RAB15: variants seen among roughly 807,000 people sequenced by gnomAD.
RAB15 encodes the protein RAB15, member RAS oncogene family.
RAB15 carries 13 observed loss-of-function variants against 31.8 expected under a neutral mutation model. That is an observed-to-expected ratio of 0.41 (90% CI 0.27 to 0.65). The LOEUF (loss-of-function observed/expected upper bound fraction) is 0.65. Ranked by LOEUF, RAB15 falls within the 30% of genes least tolerant of loss-of-function variation. The pLI is 0.32. For missense variants in RAB15, 220 were observed against 277.3 expected, an observed-to-expected ratio of 0.79 and a Z score of 1.47; for synonymous variants, 100 against 105.6, an observed-to-expected ratio of 0.95 and a Z score of 0.33.
chr14:64,967,923 T>C (rs1225344175), intron 1 of RAB15, among the ~76,000 whole-genome samples: 2 of 152,140 alleles, frequency 1.3e-5, no homozygotes, highest in Non-Finnish European at 2.9e-5. Flanking sequence ...CTGCAGCCCC[T>C]GACTAGTCTC....
intron 1 of RAB15, among the ~76,000 whole-genome samples, chr14:64,961,530 A>T (rs1886857255): frequency 6.6e-6 from 1 of 152,124 alleles, no homozygotes; most frequent in Non-Finnish European, 1.5e-5. Flanking sequence ...CTCCAGGGCC[A>T]CCTCTGCAGC....
rs1038273080 is a variant in RAB15, at chr14:64,948,948, T to C, written c.415-215A>G. Among the ~76,000 whole-genome samples, 1 of 152,174 alleles carries C rather than the reference T, an allele frequency of 6.6e-6. No homozygotes were observed. The highest frequency in any genetic ancestry group is 1.5e-5 in the Non-Finnish European group (1 of 68,020). The stretch of plus-strand genomic sequence containing the variant: ...AAATATGCCTCTCCATTCTTCCAGC[T>C]GCCACCCCACGCCTCCCAACACACA... On this transcript the variant is annotated intron_variant, in intron 5 of 6. Coordinates refer to ENST00000533601, the MANE Select transcript of RAB15 (RefSeq NM_001308154.2). The surrounding 1 kb of genome is among the most constrained non-coding windows in gnomAD (Gnocchi z 7.0).
rs1461999104 is a variant in RAB15 at position 64,970,086 on chromosome 14, T to C, written c.124+1867A>G. ...CAAAGGGAAAAGTCCATGTCACCTATAGGACTTGGAATGGGACTAGGAGAG... is the reference window on the plus strand; with the variant it reads ...CAAAGGGAAAAGTCCATGTCACCTACAGGACTTGGAATGGGACTAGGAGAG... On this transcript the variant is annotated intron_variant, in intron 1 of 6. Coordinates refer to ENST00000533601, the MANE Select transcript of RAB15 (RefSeq NM_001308154.2). The surrounding 1 kb of genome is among the most constrained non-coding windows in gnomAD (Gnocchi z 4.1). Among the ~76,000 whole-genome samples, 1 of 152,170 alleles carries C rather than the reference T, an allele frequency of 6.6e-6. No individual in the cohort carries two copies. The highest frequency in any genetic ancestry group is 1.5e-5 in the Non-Finnish European group (1 of 68,026).
rs960807724 is a variant in RAB15 at position 64,971,801 on chromosome 14, T to C, written c.124+152A>G. 1.4e-6 allele frequency: 1 copy of C among 732,036 alleles called. No homozygotes were observed. The highest frequency in any genetic ancestry group is 2.2e-6 in the Non-Finnish European group (1 of 452,324). The allele number at this position is 732,036 out of a possible 1,614,324, so 45.3% of individuals were successfully genotyped here. A position where few individuals can be genotyped will look rare whatever the true frequency, so the allele number is the denominator to read the frequency against. On this transcript the variant is annotated intron_variant, in intron 1 of 6. Coordinates refer to ENST00000533601, the MANE Select transcript of RAB15 (RefSeq NM_001308154.2). This position sits in a 1 kb window ranked among gnomAD's most constrained non-coding sequence, Gnocchi z 4.1. ...GGACACCCTCACCTGCCAAAACCTA[T>C]GCTCACCCCGAGATTTATCCCGGAC...
At position 64,950,704 on chromosome 14, in the gene RAB15, C is replaced by T. The variant is rs1886200274; in HGVS notation, c.325-290G>A. 5.0e-6 allele frequency: 3 copies of T among 595,396 alleles called. No individual in the cohort carries two copies. Among genetic ancestry groups the T allele is most frequent in the East Asian group, 2.8e-5 (1 of 36,038 alleles). 36.9% of individuals were successfully genotyped at this position (595,396 alleles called of 1,614,324 possible). The stretch of plus-strand genomic sequence containing the variant: ...GGATGTAAGTCCAGCCCTCATTCTA[C>T]AGGAACTGGGGACCCAGAGGATTCA... On this transcript the variant is annotated intron_variant, in intron 4 of 6. Transcript: ENST00000533601. This position sits in a 1 kb window ranked among gnomAD's most constrained non-coding sequence, Gnocchi z 5.6.
chr14:64,972,047 C>A lies in RAB15; in HGVS notation c.30G>T (p.Arg10=), dbSNP rs767084309. MAKQYDVLF[R]LLLIGDSGVG... ...CCCCGGAGTCCCCGATCAGCAGCAG[C>A]CGGAACAGCACATCGTACTGCTTCG... Residue 10 remains arginine (R), a synonymous_variant, in exon 1 of 7, where the codon CGG becomes CGT. Transcript: ENST00000533601. This position sits in a 1 kb window ranked among gnomAD's most constrained non-coding sequence, Gnocchi z 6.3. 6.2e-7 allele frequency: 1 copy of A among 1,610,916 alleles called. No individual in the cohort carries two copies. Among genetic ancestry groups the A allele is most frequent in the Non-Finnish European group, 8.5e-7 (1 of 1,178,874 alleles).
rs1887466507 is a variant in RAB15 at position 64,972,170 on chromosome 14, T to C, written c.-94A>G. 1 of 1,089,850 alleles carries C rather than the reference T, an allele frequency of 9.2e-7. No individual in the cohort carries two copies. The highest frequency in any genetic ancestry group is 1.1e-6 in the Non-Finnish European group (1 of 881,044). The allele number at this position is 1,089,850 out of a possible 1,614,324, so 67.5% of individuals were successfully genotyped here. A position where few individuals can be genotyped will look rare whatever the true frequency, so the allele number is the denominator to read the frequency against. ...GCGGCCCGCGCCCGCCCGGGGACGC[T>C]GCGGGCGGCGAGGAGGACGCCGGGC... On this transcript the variant is annotated 5_prime_UTR_variant, in exon 1 of 7. Coordinates refer to ENST00000533601, the MANE Select transcript of RAB15 (RefSeq NM_001308154.2). This position sits in a 1 kb window ranked among gnomAD's most constrained non-coding sequence, Gnocchi z 6.3.
At position 64,952,618 on chromosome 14, in the gene RAB15, A is replaced by G; in HGVS notation, c.125-47T>C. The G allele has an allele frequency of 7.1e-7, 1 of 1,409,362 alleles. No individual in the cohort carries two copies. The highest frequency in any genetic ancestry group is 1.2e-5 in the South Asian group (1 of 86,506). 87.3% of individuals were successfully genotyped at this position (1,409,362 alleles called of 1,614,324 possible). On this transcript the variant is annotated intron_variant, in intron 1 of 6. Coordinates refer to ENST00000533601, the MANE Select transcript of RAB15 (RefSeq NM_001308154.2). The surrounding 1 kb of genome is among the most constrained non-coding windows in gnomAD (Gnocchi z 4.2). The stretch of plus-strand genomic sequence containing the variant: ...GAAAGTTAGAAAGCGTACCCACGAG[A>G]AATGAACAGGAAAGGGCCAGGCAAT...
intron 1 of RAB15, among the ~76,000 whole-genome samples, chr14:64,963,204 C>T (rs938465619): frequency 1.3e-5 from 2 of 150,130 alleles, no homozygotes; most frequent in African/African-American, 4.9e-5. Context: ...CTGCAACCTC[C>T]ACCTCCTGTG....
At chr14:64,966,049 C>T (rs1016136150) in intron 1 of RAB15, among the ~76,000 whole-genome samples, 2 of 152,160 alleles carry the variant, frequency 1.3e-5, no homozygotes, top group African/African-American at 2.4e-5. Flanking sequence ...TCTCAGGTCA[C>T]CCCACTGCTT....
Position 64,954,320 on chromosome 14 carries a change from G to A in RAB15, c.125-1749C>T, listed in dbSNP as rs146719495. 1.1e-5 allele frequency: 11 copies of A among 985,378 alleles called. No individual in the cohort carries two copies. The highest frequency in any genetic ancestry group is 9.4e-5 in the South Asian group (2 of 21,294). 61.0% of individuals were successfully genotyped at this position (985,378 alleles called of 1,614,324 possible). A position where few individuals can be genotyped will look rare whatever the true frequency, so the allele number is the denominator to read the frequency against. ...TATGCTTATTTCTGCCTGGATCAACGGTTATCAGGCACCTGTTTCTCCCCA... is the reference window on the plus strand; with the variant it reads ...TATGCTTATTTCTGCCTGGATCAACAGTTATCAGGCACCTGTTTCTCCCCA... On this transcript the variant is annotated intron_variant, in intron 1 of 6. Transcript: ENST00000533601. The surrounding 1 kb of genome is among the most constrained non-coding windows in gnomAD (Gnocchi z 4.3).
chr14:64,946,386 A>G lies in RAB15; in HGVS notation c.*1968T>C, dbSNP rs1338377830. ...ACAGACTTGAGGGCTGGCATCACCT[A>G]CTTCCCTAGCCCCAGTGTGATGTGG... On this transcript the variant is annotated 3_prime_UTR_variant, in exon 7 of 7. Transcript: ENST00000533601. The G allele has an allele frequency of 6.6e-6, 1 of 152,160 alleles. No individual in the cohort carries two copies. The highest frequency in any genetic ancestry group is 6.5e-5 in the Admixed American group (1 of 15,276). The allele number at this position is 152,160 out of a possible 1,614,324, so 9.4% of individuals were successfully genotyped here.
rs1362823217 is a variant in RAB15 at position 64,962,051 on chromosome 14, C to T, written c.125-9480G>A. 2.0e-5 allele frequency among the ~76,000 whole-genome samples: 3 copies of T among 152,068 alleles called. No individual in the cohort carries two copies. The highest frequency in any genetic ancestry group is 7.2e-5 in the African/African-American group (3 of 41,394). Reference sequence around the variant, plus strand: ...CCAACATGGTGAAACCTTGTCTCTACTAAAAATACAAAAATTAGCTGGTCG... The same window carrying T: ...CCAACATGGTGAAACCTTGTCTCTATTAAAAATACAAAAATTAGCTGGTCG... On this transcript the variant is annotated intron_variant, in intron 1 of 6. Transcript: ENST00000533601. The surrounding 1 kb of genome is among the most constrained non-coding windows in gnomAD (Gnocchi z 4.2).
In RAB15 at chr14:64,952,628, G is replaced by C; in HGVS notation, c.125-57C>G. ...AAGCGTACCCACGAGAAATGAACAG[G>C]AAAGGGCCAGGCAATCACACTTGAA... On this transcript the variant is annotated intron_variant, in intron 1 of 6. Coordinates refer to ENST00000533601, the MANE Select transcript of RAB15 (RefSeq NM_001308154.2). This position sits in a 1 kb window ranked among gnomAD's most constrained non-coding sequence, Gnocchi z 4.2. 1 of 1,285,876 alleles carries C rather than the reference G, an allele frequency of 7.8e-7. No individual in the cohort carries two copies. Among genetic ancestry groups the C allele is most frequent in the South Asian group, 1.2e-5 (1 of 83,542 alleles). 79.7% of individuals were successfully genotyped at this position (1,285,876 alleles called of 1,614,324 possible). A position where few individuals can be genotyped will look rare whatever the true frequency, so the allele number is the denominator to read the frequency against.
chr14:64,947,953 G>GCCCATACAACCAGGCACAGGC lies in RAB15; in HGVS notation c.*400_*401insGCCTGTGCCTGGTTGTATGGG. On this transcript the variant is annotated 3_prime_UTR_variant, in exon 7 of 7. Transcript: ENST00000533601. The surrounding 1 kb of genome is among the most constrained non-coding windows in gnomAD (Gnocchi z 5.6). The stretch of plus-strand genomic sequence containing the variant: ...ATACGAAACGCACCGGAGGGGAGGG[G>GCCCATACAACCAGGCACAGGC]TCAGAGAAAGAGAAGTGGGGGAAGA... 5.7e-6 allele frequency: 1 copy of GCCCATACAACCAGGCACAGGC among 175,278 alleles called. No individual in the cohort carries two copies. Among genetic ancestry groups the GCCCATACAACCAGGCACAGGC allele is most frequent in the Non-Finnish European group, 1.2e-5 (1 of 83,834 alleles). The allele number at this position is 175,278 out of a possible 1,614,324, so 10.9% of individuals were successfully genotyped here.
rs370393066 is a variant in RAB15, at chr14:64,968,567, T to C, written c.124+3386A>G. 1.3e-5 allele frequency among the ~76,000 whole-genome samples: 2 copies of C among 152,218 alleles called. No individual in the cohort carries two copies. The highest frequency in any genetic ancestry group is 1.9e-4 in the East Asian group (1 of 5,204). On this transcript the variant is annotated intron_variant, in intron 1 of 6. Transcript: ENST00000533601. This position sits in a 1 kb window ranked among gnomAD's most constrained non-coding sequence, Gnocchi z 4.9. ...ACTGCAATGATCATAATCCATCCTT[T>C]ACATTTGAAGAGTGATTCACCAAGT...
rs1313113341 is a variant in RAB15 at position 64,968,385 on chromosome 14, T to C, written c.124+3568A>G. On this transcript the variant is annotated intron_variant, in intron 1 of 6. Transcript: ENST00000533601. This position sits in a 1 kb window ranked among gnomAD's most constrained non-coding sequence, Gnocchi z 4.9. The stretch of plus-strand genomic sequence containing the variant: ...CTTCAGCCTTCCCTGCCGGTTCTAG[T>C]CCACAGGGGCCTCTCTCTTCCCCAG... 6.6e-6 allele frequency among the ~76,000 whole-genome samples: 1 copy of C among 152,096 alleles called. No individual in the cohort carries two copies. Among genetic ancestry groups the C allele is most frequent in the Non-Finnish European group, 1.5e-5 (1 of 68,008 alleles).
In RAB15 at chr14:64,954,664, A is replaced by C. The variant is rs1458946778; in HGVS notation, c.125-2093T>G. ...TAGTGGAAAGGAAACAAGGGCTCAG[A>C]GAGGTCAATGGCTAGCCAGGGTCAG... On this transcript the variant is annotated intron_variant, in intron 1 of 6. Transcript: ENST00000533601. The surrounding 1 kb of genome is among the most constrained non-coding windows in gnomAD (Gnocchi z 4.3). 5.5e-6 allele frequency: 2 copies of C among 363,242 alleles called. No homozygotes were observed. Among genetic ancestry groups the C allele is most frequent in the African/African-American group, 4.4e-5 (2 of 45,300 alleles). The allele number at this position is 363,242 out of a possible 1,614,324, so 22.5% of individuals were successfully genotyped here.
At position 64,968,767 on chromosome 14, in the gene RAB15, A is replaced by G. The variant is rs1480020264; in HGVS notation, c.124+3186T>C. ...GCTCAATTAATTTGTTTAAGGTAGT[A>G]TTTTGGGGACCCCTTCGCACCAACC... On this transcript the variant is annotated intron_variant, in intron 1 of 6. Transcript: ENST00000533601. The surrounding 1 kb of genome is among the most constrained non-coding windows in gnomAD (Gnocchi z 4.9). Among the ~76,000 whole-genome samples, 1 of 152,184 alleles carries G rather than the reference A, an allele frequency of 6.6e-6. No homozygotes were observed. The highest frequency in any genetic ancestry group is 2.4e-5 in the African/African-American group (1 of 41,446).
Sources: allele counts gnomAD v4.1 joint callset (sites outside exome capture counted in the v4.1 genomes callset), GRCh38; gene constraint gnomAD v4.1.1; non-coding constraint Gnocchi (gnomAD v3.1); transcripts MANE v1.5; gene names NCBI Gene and HGNC (gene_info 2026-07-23, HGNC 2026-07-21).